The following P4HA3 variants were observed in gnomAD, a reference collection of about 807,000 sequenced individuals.
P4HA3 encodes prolyl 4-hydroxylase subunit alpha 3, also known as prolyl 4-hydroxylase subunit alpha-3.
P4HA3 carries 60 observed loss-of-function variants against 66.7 expected under a neutral mutation model. The ratio of observed to expected loss-of-function variants is 0.90; its 90% CI spans 0.73 to 1.12. The LOEUF (loss-of-function observed/expected upper bound fraction) is 1.12. Ranked by LOEUF, P4HA3 falls within the 50% of genes most tolerant of loss-of-function variation. The pLI is 0.00. For missense variants in P4HA3, 683 were observed against 685.8 expected, an observed-to-expected ratio of 1.00 and a Z score of 0.05; for synonymous variants, 263 against 274.6, an observed-to-expected ratio of 0.96 and a Z score of 0.42.
intron 7 of P4HA3, among the ~76,000 whole-genome samples, chr11:74,283,967 A>G (rs1463321316): frequency 1.3e-5 from 2 of 152,144 alleles, no homozygotes; most frequent in Admixed American, 1.3e-4. Context: ...TTGTGCACTA[A>G]GTTTCCAAGA....
intron 4 of P4HA3, among the ~76,000 whole-genome samples, chr11:74,294,405 G>C (rs1861143208): frequency 6.6e-6 from 1 of 152,068 alleles, no homozygotes; most frequent in Non-Finnish European, 1.5e-5. Flanking sequence ...TCCTCCTGTA[G>C]CTCGGAGTAG....
downstream of P4HA3, among the ~76,000 whole-genome samples, chr11:74,261,874 G>T (rs1189903012): frequency 6.6e-6 from 1 of 152,194 alleles, no homozygotes; most frequent in Non-Finnish European, 1.5e-5. Context: ...GTTCCAAGAA[G>T]CACCTATGGC....
chr11:74,256,557 CTTAACAT>C (rs1248874050), intron 15 of P4HA3, among the ~76,000 whole-genome samples: 42 of 152,294 alleles, frequency 2.8e-4, no homozygotes, highest in East Asian at 5.8e-4. Flanking sequence ...CATGTGTTCA[CTTAACAT>C]GGCTTTAACG....
chr11:74,308,726 C>T (rs1298960863), intron 1 of P4HA3, among the ~76,000 whole-genome samples: 1 of 151,966 alleles, frequency 6.6e-6, no homozygotes, highest in South Asian at 2.1e-4. Flanking sequence ...ATACTTAGAG[C>T]CAAAAGTGGG....
intron 15 of P4HA3, among the ~76,000 whole-genome samples, chr11:74,258,192 C>G (rs1272283837): frequency 6.6e-6 from 1 of 152,116 alleles, no homozygotes; most frequent in African/African-American, 2.4e-5. Context: ...TCAAGAGGCT[C>G]CCTTATTCCT....
downstream of P4HA3, among the ~76,000 whole-genome samples, chr11:74,263,946 A>G (rs1455681214): frequency 6.6e-6 from 1 of 152,158 alleles, no homozygotes; most frequent in Admixed American, 6.5e-5. Flanking sequence ...AAAATTATAA[A>G]AAAATCAATG....
chr11:74,308,085 A>T (rs1025457908), intron 1 of P4HA3, among the ~76,000 whole-genome samples: 3 of 152,208 alleles, frequency 2.0e-5, no homozygotes, highest in African/African-American at 7.2e-5. Flanking sequence ...AGTAGGGAGT[A>T]GTTTCAACCT....
downstream of P4HA3, among the ~76,000 whole-genome samples, chr11:74,263,931 G>C (rs903274664): frequency 6.6e-6 from 1 of 151,954 alleles, no homozygotes; most frequent in African/African-American, 2.4e-5. Flanking sequence ...GAGAAAGAAA[G>C]AAACAAAATT....
At chr11:74,287,426 T>A (rs1860837391) in intron 5 of P4HA3, 1 of 941,472 alleles carries the variant, frequency 1.1e-6, no homozygotes, top group African/African-American at 1.7e-5. Flanking sequence ...AAACTGGGAA[T>A]CTCAACTTGC....
Position 74,302,518 on chromosome 11 carries a change from G to A in P4HA3, c.418C>T (p.Leu140=). The A allele has an allele frequency of 1.2e-6, 2 of 1,614,198 alleles. No individual in the cohort carries two copies. The highest frequency in any genetic ancestry group is 1.7e-6 in the Non-Finnish European group (2 of 1,180,044). ...ATGTACACGTCCTGCAGCCGCATCAGGGCCCTTGCTGCTCCCTCAAGGTCC... is the reference window on the plus strand; with the variant it reads ...ATGTACACGTCCTGCAGCCGCATCAAGGCCCTTGCTGCTCCCTCAAGGTCC... ...FEDLEGAARA[L]MRLQDVYMLN... Residue 140 remains leucine (L), a synonymous_variant, in exon 3 of 13, where the codon CTG becomes TTG. Transcript: ENST00000331597.
intron 15 of P4HA3, among the ~76,000 whole-genome samples, chr11:74,258,896 T>G (rs1859866026): frequency 6.6e-6 from 1 of 151,996 alleles, no homozygotes; most frequent in South Asian, 2.1e-4. Context: ...AGTAATAAGG[T>G]GAAAAACAGT....
At chr11:74,262,821 A>T (rs1859929557), downstream of P4HA3, among the ~76,000 whole-genome samples, 1 of 152,172 alleles carries the variant, frequency 6.6e-6, no homozygotes. Context: ...CCCCAACAGG[A>T]GACTCTTTCA....
chr11:74,260,987 C>T (rs1280067232), intron 14 of P4HA3, among the ~76,000 whole-genome samples: 1 of 152,192 alleles, frequency 6.6e-6, no homozygotes, highest in Non-Finnish European at 1.5e-5. Flanking sequence ...TGCCCCCTGC[C>T]CAGGCCTCAC....
At chr11:74,296,267 G>A (rs1861209512) in intron 4 of P4HA3, among the ~76,000 whole-genome samples, 1 of 152,134 alleles carries the variant, frequency 6.6e-6, no homozygotes, top group African/African-American at 2.4e-5. Flanking sequence ...AGTTGCCTAT[G>A]TTTTCACAGC....
intron 4 of P4HA3, among the ~76,000 whole-genome samples, chr11:74,294,271 C>T (rs1485215363): frequency 2.6e-5 from 4 of 151,620 alleles, no homozygotes; most frequent in African/African-American, 9.7e-5. Flanking sequence ...CGTCACGTAG[C>T]TCTCGTGCCT....
intron 2 of P4HA3, among the ~76,000 whole-genome samples, chr11:74,303,988 G>A (rs767725404): frequency 2.0e-5 from 3 of 152,054 alleles, no homozygotes; most frequent in Non-Finnish European, 4.4e-5. Flanking sequence ...CTAGAAGACC[G>A]TTATTTTCTA....
At position 74,251,125 on chromosome 11, in the gene P4HA3, T is replaced by C. The variant is rs1859647833; in HGVS notation, c.*1319-3124A>G. ...AGCCTGCATTGCCTGCAGCAGCTGCTGTGGAGCCTATGCAGATGCAGTTCC... is the reference window on the plus strand; with the variant it reads ...AGCCTGCATTGCCTGCAGCAGCTGCCGTGGAGCCTATGCAGATGCAGTTCC... On this transcript the variant is annotated intron_variant and NMD_transcript_variant, in intron 15 of 15. Coordinates refer to the P4HA3 transcript ENST00000524388. The C allele has an allele frequency of 8.5e-6, 13 of 1,525,374 alleles. No homozygotes were observed. In the East Asian group the frequency reaches 3.2e-4, roughly 38 times the overall value. 94.5% of individuals were successfully genotyped at this position (1,525,374 alleles called of 1,614,324 possible). A position where few individuals can be genotyped will look rare whatever the true frequency, so the allele number is the denominator to read the frequency against.
chr11:74,291,023 A>C (rs553340225), intron 4 of P4HA3, among the ~76,000 whole-genome samples: 1 of 152,284 alleles, frequency 6.6e-6, no homozygotes, highest in South Asian at 2.1e-4. Context: ...TGAATCTATA[A>C]ATTACTTTGG....
At chr11:74,296,185 C>T (rs2134799759) in intron 4 of P4HA3, among the ~76,000 whole-genome samples, 1 of 152,282 alleles carries the variant, frequency 6.6e-6, no homozygotes, top group African/African-American at 2.4e-5. Context: ...ATCCTCACAG[C>T]AACCCACTTG....
Sources: gnomAD v4.1 joint callset for allele counts (sites outside exome capture counted in the v4.1 genomes callset) on GRCh38, gnomAD v4.1.1 for gene constraint, MANE v1.5 for transcripts, NCBI Gene and HGNC (gene_info 2026-07-23, HGNC 2026-07-21) for gene names.